Variants in COL26A1 observed in about 807,000 individuals in gnomAD.
COL26A1 encodes collagen alpha-1(XXVI) chain.
A neutral mutation model predicts 59.3 loss-of-function variants in COL26A1; 41 were observed. That is an observed-to-expected ratio of 0.69 (90% CI 0.54 to 0.90). COL26A1 has a LOEUF of 0.90. Ranked by LOEUF, COL26A1 falls within the 40% of genes least tolerant of loss-of-function variation. COL26A1 has a pLI of 0.00. For missense variants in COL26A1, 612 were observed against 602.3 expected, an observed-to-expected ratio of 1.02 and a Z score of -0.17; for synonymous variants, 266 against 256.0, an observed-to-expected ratio of 1.04 and a Z score of -0.37.
intron 3 of COL26A1, among the ~76,000 whole-genome samples, chr7:101,489,637 C>A (rs1370893633): frequency 4.4e-5 from 3 of 68,152 alleles, no homozygotes; most frequent in Non-Finnish European, 7.7e-5. Flanking sequence ...TTCTTTCTTT[C>A]TTTCTTTCTT....
intron 2 of COL26A1, among the ~76,000 whole-genome samples, chr7:101,432,385 G>A (rs932476729): frequency 2.6e-5 from 4 of 152,178 alleles, no homozygotes; most frequent in African/African-American, 9.7e-5. Flanking sequence ...GTGGATCCAG[G>A]AGGTATTCTG....
intron 8 of COL26A1, among the ~76,000 whole-genome samples, chr7:101,548,006 C>T (rs1001430730): frequency 1.3e-5 from 2 of 152,160 alleles, no homozygotes; most frequent in Non-Finnish European, 2.9e-5. Context: ...ATTGTGACTT[C>T]GACAGGATCT....
intron 2 of COL26A1, among the ~76,000 whole-genome samples, chr7:101,426,957 C>T (rs532189261): frequency 1.3e-5 from 2 of 152,330 alleles, no homozygotes; most frequent in South Asian, 4.1e-4. Flanking sequence ...CTGTTGCTTA[C>T]CATCCTGCCT....
intron 1 of COL26A1, among the ~76,000 whole-genome samples, chr7:101,375,076 TAAA>T (rs1160726134): frequency 3.0e-4 from 46 of 151,758 alleles, no homozygotes; most frequent in African/African-American, 1.1e-3. Context: ...AAATTTTTTT[TAAA>T]TAAATAAAAA....
chr7:101,551,049 G>A, intron 9 of COL26A1, 59 bp from the exon 10 acceptor site: 1 of 1,525,998 alleles, frequency 6.6e-7, no homozygotes, highest in Non-Finnish European at 8.9e-7. Context: ...GTGGCCAGAG[G>A]GCACTGGAGA....
chr7:101,551,238 T>TGGGGGGGGGGGG, intron 10 of COL26A1, 95 bp downstream of exon 10: 3 of 491,348 alleles, frequency 6.1e-6, no homozygotes, highest in African/African-American at 4.1e-5. Context: ...GGTGGGGGGG[T>TGGGGGGGGGGGG]TCAGCCCTGG....
intron 1 of COL26A1, among the ~76,000 whole-genome samples, chr7:101,390,681 T>C (rs938825222): frequency 1.7e-4 from 26 of 152,306 alleles, no homozygotes; most frequent in African/African-American, 5.5e-4. Flanking sequence ...AGCCTCAGGC[T>C]CTCAAAGCAT....
In COL26A1 at chr7:101,507,610, G is replaced by A. The variant is rs529884807; in HGVS notation, c.386-25472G>A. ...TTTTTAGTGTTTGTAATAGAGATGG[G>A]GTTTCTCCGTGTTGCTCAGGCTGGT... On this transcript the variant is annotated intron_variant, in intron 3 of 12. Coordinates refer to ENST00000313669, the MANE Select transcript of COL26A1 (RefSeq NM_001278563.3). Among the ~76,000 whole-genome samples, 39 of 148,434 alleles carry A rather than the reference G, an allele frequency of 2.6e-4. 1 individual carries two copies. The highest frequency in any genetic ancestry group is 8.1e-4 in the African/African-American group (33 of 40,794).
intron 3 of COL26A1, among the ~76,000 whole-genome samples, chr7:101,452,544 G>C (rs1381074201): frequency 1.3e-5 from 2 of 152,088 alleles, no homozygotes; most frequent in South Asian, 2.1e-4. Flanking sequence ...TGGAAGATTT[G>C]TCTTTATGGG....
At chr7:101,550,941 G>A (rs1795846140) in intron 9 of COL26A1, among the ~76,000 whole-genome samples, 167 bp from the exon 10 acceptor site, 1 of 152,232 alleles carries the variant, frequency 6.6e-6, no homozygotes, top group South Asian at 2.1e-4. Flanking sequence ...GTGGCTCCAG[G>A]ACTGGAGGCC....
intron 1 of COL26A1, among the ~76,000 whole-genome samples, chr7:101,378,533 A>ATT (rs1056625351): frequency 6.0e-5 from 9 of 151,256 alleles, no homozygotes; most frequent in Non-Finnish European, 1.5e-5. Flanking sequence ...AACAAAAAAA[A>ATT]TTTTTTTTTG....
chr7:101,488,692 C>T (rs988683036), intron 3 of COL26A1, among the ~76,000 whole-genome samples: 4 of 152,030 alleles, frequency 2.6e-5, no homozygotes, highest in African/African-American at 7.2e-5. Flanking sequence ...CAGTTTTAAG[C>T]GTTCAATTCA....
chr7:101,467,796 A>G (rs1469140158), intron 3 of COL26A1, among the ~76,000 whole-genome samples: 2 of 151,752 alleles, frequency 1.3e-5, no homozygotes, highest in African/African-American at 4.8e-5. Flanking sequence ...GAACCCGGGA[A>G]GCAGGGCTTG....
intron 3 of COL26A1, among the ~76,000 whole-genome samples, chr7:101,523,953 A>ATT (rs1795188851): frequency 2.0e-5 from 3 of 151,906 alleles, no homozygotes; most frequent in Admixed American, 2.0e-4. Context: ...GAATTTATAT[A>ATT]TATTTATTTA....
At chr7:101,399,700 C>A (rs1478862964) in intron 1 of COL26A1, among the ~76,000 whole-genome samples, 3 of 152,144 alleles carry the variant, frequency 2.0e-5, no homozygotes, top group Admixed American at 6.6e-5. Flanking sequence ...CTCAGCTGAT[C>A]CTCCTGCCTC....
chr7:101,548,117 G>A (rs777779026), intron 8 of COL26A1, among the ~76,000 whole-genome samples: 4 of 152,150 alleles, frequency 2.6e-5, no homozygotes, highest in Non-Finnish European at 5.9e-5. Flanking sequence ...AAGCTCAGAG[G>A]GTACCTGGGG....
intron 1 of COL26A1, among the ~76,000 whole-genome samples, chr7:101,380,613 C>T (rs971027909): frequency 6.6e-6 from 1 of 152,094 alleles, no homozygotes; most frequent in African/African-American, 2.4e-5. Context: ...GCCCCAAATT[C>T]TTTCTCACAC....
intron 1 of COL26A1, among the ~76,000 whole-genome samples, chr7:101,389,916 G>T (rs1413360733): frequency 6.6e-6 from 1 of 151,942 alleles, no homozygotes; most frequent in Non-Finnish European, 1.5e-5. Flanking sequence ...GAACTCCAGA[G>T]CCCAGGAGAT....
At chr7:101,535,846 G>C (rs922817508) in intron 4 of COL26A1, among the ~76,000 whole-genome samples, 6 of 152,192 alleles carry the variant, frequency 3.9e-5, no homozygotes, top group Non-Finnish European at 5.9e-5. Context: ...GCTGGGGTTG[G>C]TAGCTTGGGC....
Sources: gnomAD v4.1 joint callset for allele counts (sites outside exome capture counted in the v4.1 genomes callset) on GRCh38, gnomAD v4.1.1 for gene constraint, MANE v1.5 for transcripts, NCBI Gene and HGNC (gene_info 2026-07-23, HGNC 2026-07-21) for gene names.